KDM4C: variants seen among roughly 807,000 people sequenced by gnomAD.
KDM4C encodes the protein lysine-specific demethylase 4C.
KDM4C carries 81 observed loss-of-function variants against 129.3 expected under a neutral mutation model. That is an observed-to-expected ratio of 0.63 (90% CI 0.52 to 0.75). The LOEUF is 0.75. Ranked by LOEUF, KDM4C falls within the 30% of genes least tolerant of loss-of-function variation. KDM4C has a pLI of 0.00. For synonymous variants in KDM4C, 573 were observed against 456.1 expected, an observed-to-expected ratio of 1.26 and a Z score of -3.26; for missense variants, 1,457 against 1,304.0, an observed-to-expected ratio of 1.12 and a Z score of -1.81.
intron 1 of KDM4C, among the ~76,000 whole-genome samples, chr9:6,767,223 C>G (rs1820803839): frequency 6.6e-6 from 1 of 151,848 alleles, no homozygotes; most frequent in African/African-American, 2.4e-5. Context: ...ACTGCAAGCT[C>G]CGCCTCCTGG....
At chr9:6,986,748 C>T (rs945869514) in intron 11 of KDM4C, 82 bp downstream of exon 11, 53 of 961,572 alleles carry the variant, frequency 5.5e-5, no homozygotes, top group Non-Finnish European at 7.1e-5. Context: ...GCACTGAAAT[C>T]CTCCTTTAGG....
intron 8 of KDM4C, among the ~76,000 whole-genome samples, chr9:6,943,373 C>G (rs1563856530): frequency 6.6e-6 from 1 of 152,102 alleles, no homozygotes; most frequent in Middle Eastern, 3.2e-3. Flanking sequence ...AATTATTTTA[C>G]AAACTTCGCA....
At chr9:6,993,306 A>G (rs1190301185) in intron 12 of KDM4C, among the ~76,000 whole-genome samples, 1 of 152,204 alleles carries the variant, frequency 6.6e-6, no homozygotes, top group Non-Finnish European at 1.5e-5. Context: ...TATATTTTAT[A>G]ACTTAAATGA....
intron 2 of KDM4C, among the ~76,000 whole-genome samples, chr9:6,796,922 G>A (rs36098691): frequency 0.26 from 38,695 of 151,718 alleles, 5,304 homozygotes; most frequent in Non-Finnish European, 0.3. Flanking sequence ...CTGCATTAAT[G>A]AAGCTGGTTT....
intron 17 of KDM4C, among the ~76,000 whole-genome samples, chr9:7,101,976 A>G (rs1485646227): frequency 1.3e-5 from 2 of 152,232 alleles, no homozygotes; most frequent in African/African-American, 2.4e-5. Context: ...CCAAAATACT[A>G]AAAATTACAA....
upstream of KDM4C, chr9:6,757,813 A>C: frequency 1.0e-6 from 1 of 985,630 alleles, no homozygotes; most frequent in Non-Finnish European, 1.2e-6. Flanking sequence ...TGTCCAAAGG[A>C]CAAGAAGATG....
At chr9:6,916,941 T>C (rs1478729930) in intron 8 of KDM4C, among the ~76,000 whole-genome samples, 4 of 152,232 alleles carry the variant, frequency 2.6e-5, no homozygotes, top group African/African-American at 9.6e-5. Flanking sequence ...CATTAATTTT[T>C]CTCTCTGGTT....
At chr9:6,754,880 T>TAAAAAAAAA (rs58382779), upstream of KDM4C, among the ~76,000 whole-genome samples, 1 of 83,372 alleles carries the variant, frequency 1.2e-5, no homozygotes, top group African/African-American at 4.2e-5. Flanking sequence ...TGTCTCAAAG[T>TAAAAAAAAA]AAAAAAAAAA....
intron 18 of KDM4C, among the ~76,000 whole-genome samples, chr9:7,109,545 G>T (rs1838083348): frequency 6.6e-6 from 1 of 152,174 alleles, no homozygotes; most frequent in Non-Finnish European, 1.5e-5. Context: ...CTATATTGTT[G>T]TGCCCCTTGG....
chr9:6,940,826 A>T (rs907626511), intron 8 of KDM4C, among the ~76,000 whole-genome samples: 4 of 152,160 alleles, frequency 2.6e-5, no homozygotes, highest in African/African-American at 9.7e-5. Flanking sequence ...TGTACCCTTG[A>T]TTCTAAAATA....
intron 4 of KDM4C, among the ~76,000 whole-genome samples, chr9:6,838,310 G>T (rs546288722): frequency 6.6e-6 from 1 of 152,248 alleles, no homozygotes; most frequent in South Asian, 2.1e-4. Context: ...CTATCTCTCT[G>T]CAGTGTTGGC....
At position 7,011,741 on chromosome 9, in the gene KDM4C, A is replaced by T; in HGVS notation, c.1830A>T (p.Thr610=). ...CCATTGAGGAGGAAGTGGAAGAAAC[A>T]GAGTCTTGGGCGAAACCTCTCATCC... is the stretch of plus-strand genomic sequence containing the variant. ...VLSIEEEVEE[T]ESWAKPLIHL... is the part of the protein sequence containing the mutation. Residue 610 remains threonine, a synonymous_variant, in exon 13 of 22, where the codon ACA becomes ACT. Transcript: ENST00000381309. The T allele has an allele frequency of 6.2e-7, 1 of 1,614,194 alleles. No homozygotes were observed. Among genetic ancestry groups the T allele is most frequent in the Non-Finnish European group, 8.5e-7 (1 of 1,180,010 alleles).
At chr9:7,055,923 G>C (rs1830804299) in intron 17 of KDM4C, among the ~76,000 whole-genome samples, 1 of 152,090 alleles carries the variant, frequency 6.6e-6, no homozygotes, top group African/African-American at 2.4e-5. Flanking sequence ...ATGCATTTTA[G>C]GAAATGTAAA....
chr9:6,792,340 C>A (rs1231882516), intron 1 of KDM4C, among the ~76,000 whole-genome samples: 1 of 149,776 alleles, frequency 6.7e-6, no homozygotes, highest in African/African-American at 2.4e-5. Flanking sequence ...GAGACTGTCT[C>A]AAAAAAAAAA....
At chr9:6,989,571 A>C (rs933759117) in intron 11 of KDM4C, among the ~76,000 whole-genome samples, 1 of 152,232 alleles carries the variant, frequency 6.6e-6, no homozygotes, top group African/African-American at 2.4e-5. Flanking sequence ...ATCATTAAAA[A>C]AAGAGAATAC....
At chr9:6,885,860 A>G (rs1351413875) in intron 6 of KDM4C, among the ~76,000 whole-genome samples, 1 of 152,218 alleles carries the variant, frequency 6.6e-6, no homozygotes, top group African/African-American at 2.4e-5. Flanking sequence ...TGAAATTCTT[A>G]ATATACTGCA....
intron 4 of KDM4C, among the ~76,000 whole-genome samples, chr9:6,824,552 A>G (rs1833567828): frequency 6.6e-6 from 1 of 151,690 alleles, no homozygotes. Context: ...ACCTCAAATA[A>G]CTTTCATTTA....
rs148959684 is a variant in KDM4C at position 7,086,791 on chromosome 9, A to G, written c.2425-16894A>G. Among the ~76,000 whole-genome samples the G allele has an allele frequency of 1.7e-3, 256 of 152,338 alleles. 3 individuals carry two copies. The highest frequency in any genetic ancestry group is 5.8e-3 in the African/African-American group (242 of 41,572). ...CCTTTATAAAGACAGTTACAAGGAC[A>G]GTTCTTTTCTATATCCCAACTCTCA... On this transcript the variant is annotated intron_variant, in intron 17 of 21. Transcript: ENST00000381309.
intron 4 of KDM4C, among the ~76,000 whole-genome samples, chr9:6,819,972 G>C (rs1278830360): frequency 6.6e-6 from 1 of 152,012 alleles, no homozygotes; most frequent in Admixed American, 6.6e-5. Context: ...TCTAGTGGTA[G>C]CTATTTACCT....
Sources: gnomAD v4.1 joint callset for allele counts (sites outside exome capture counted in the v4.1 genomes callset) on GRCh38, gnomAD v4.1.1 for gene constraint, MANE v1.5 for transcripts, NCBI Gene and HGNC (gene_info 2026-07-23, HGNC 2026-07-21) for gene names.